CADM2: variants seen among roughly 807,000 people sequenced by gnomAD.
CADM2 encodes immunoglobulin superfamily member 4D.
CADM2 carries 12 observed loss-of-function variants against 49.8 expected under a neutral mutation model. The observed-to-expected ratio is 0.24, with a 90% CI of 0.15 to 0.39. CADM2 has a LOEUF of 0.39. CADM2 is among the 10% of genes least tolerant of loss of function. The probability of loss-of-function intolerance (pLI) is 1.00; values close to 1 mark genes in which losing one functional copy is unlikely to be tolerated. For synonymous variants in CADM2, 214 were observed against 175.4 expected, an observed-to-expected ratio of 1.22 and a Z score of -1.74; for missense variants, 378 against 492.3, an observed-to-expected ratio of 0.77 and a Z score of 2.20.
At position 85,637,621 on chromosome 3, in the gene CADM2, A is replaced by ATAAAATAAAATAAAAT. The variant is rs67331615; in HGVS notation, c.62-88901_62-88900insTAAAATAAAATAAAAT. Among the ~76,000 whole-genome samples the ATAAAATAAAATAAAAT allele has an allele frequency of 1.0e-4, 12 of 114,498 alleles. No homozygotes were observed. In the Admixed American group the frequency reaches 1.1e-3, roughly 10 times the overall value. The allele number at this position is 114,498 out of a possible 152,430, so 75.1% of individuals were successfully genotyped here. A position where few individuals can be genotyped will look rare whatever the true frequency, so the allele number is the denominator to read the frequency against. On this transcript the variant is annotated intron_variant, in intron 1 of 9. Transcript: ENST00000383699. ...GAGACTCCGTCTCAAAAAAAAAAAAAAAAATAAAATAAAATAAATAAATAA... is the reference window on the plus strand; with the variant it reads ...GAGACTCCGTCTCAAAAAAAAAAAAATAAAATAAAATAAAATAAAATAAAATAAAATAAATAAATAA...
At chr3:85,566,476 T>C (rs1346684282) in intron 1 of CADM2, among the ~76,000 whole-genome samples, 1 of 152,172 alleles carries the variant, frequency 6.6e-6, no homozygotes, top group Non-Finnish European at 1.5e-5. Context: ...GATGCCTTGT[T>C]GAGCACTGTT....
intron 1 of CADM2, among the ~76,000 whole-genome samples, chr3:85,440,822 A>T (rs1224363682): frequency 6.6e-6 from 1 of 152,144 alleles, no homozygotes; most frequent in Non-Finnish European, 1.5e-5. Context: ...ATCTTTACAG[A>T]AACACAAAAA....
chr3:85,604,822 G>A (rs2063503783), intron 1 of CADM2, among the ~76,000 whole-genome samples: 2 of 151,896 alleles, frequency 1.3e-5, no homozygotes, highest in Admixed American at 6.6e-5. Context: ...GGGGGAATGC[G>A]AGTCATCCCC....
At chr3:85,480,416 C>A (rs893964632) in intron 1 of CADM2, among the ~76,000 whole-genome samples, 1 of 151,786 alleles carries the variant, frequency 6.6e-6, no homozygotes, top group South Asian at 2.1e-4. Context: ...AAATTTGTGA[C>A]TGTGGGCAAG....
intron 1 of CADM2, among the ~76,000 whole-genome samples, chr3:85,690,796 T>C (rs2107679950): frequency 6.6e-6 from 1 of 152,352 alleles, no homozygotes; most frequent in South Asian, 2.1e-4. Context: ...TGTTTTCATT[T>C]ATAAATACTT....
Position 85,152,592 on chromosome 3 carries a change from G to T in CADM2, c.61+192924G>T, listed in dbSNP as rs114856579. ...ACCCCACCAAATTGTCTTTAATATC[G>T]CAGTTTTTCAGTTCACCATATAGTG... On this transcript the variant is annotated intron_variant, in intron 1 of 9. Transcript: ENST00000383699. Among the ~76,000 whole-genome samples, 786 of 152,060 alleles carry T rather than the reference G, an allele frequency of 5.2e-3. 7 individuals carry two copies. The highest frequency in any genetic ancestry group is 9.0e-3 in the Non-Finnish European group (613 of 68,004).
intron 2 of CADM2, among the ~76,000 whole-genome samples, chr3:85,770,710 A>G (rs1287519834): frequency 1.3e-5 from 2 of 152,158 alleles, no homozygotes; most frequent in African/African-American, 4.8e-5. Context: ...ATAGCAGATA[A>G]TAGGAAACAT....
intron 1 of CADM2, among the ~76,000 whole-genome samples, chr3:85,536,806 A>ATT (rs1392884867): frequency 1.3e-5 from 2 of 151,916 alleles, no homozygotes; most frequent in East Asian, 1.9e-4. Flanking sequence ...ACTTTAGACT[A>ATT]TTATATATAT....
intron 3 of CADM2, among the ~76,000 whole-genome samples, chr3:85,829,365 A>T (rs2074076028): frequency 6.6e-6 from 1 of 151,918 alleles, no homozygotes; most frequent in South Asian, 2.1e-4. Flanking sequence ...CCTATATATG[A>T]TGTGTAATGA....
At chr3:85,576,145 T>C (rs1307282279) in intron 1 of CADM2, among the ~76,000 whole-genome samples, 3 of 152,206 alleles carry the variant, frequency 2.0e-5, no homozygotes, top group Non-Finnish European at 4.4e-5. Flanking sequence ...TTTAACATAA[T>C]TTATTTATTA....
intron 2 of CADM2, among the ~76,000 whole-genome samples, chr3:85,771,265 C>T (rs114870885): frequency 6.6e-6 from 1 of 152,064 alleles, no homozygotes; most frequent in African/African-American, 2.4e-5. Flanking sequence ...TTCTTAAACC[C>T]ATTGGTCAAT....
chr3:85,902,424 T>C (rs774031727), intron 5 of CADM2, among the ~76,000 whole-genome samples: 59 of 152,110 alleles, frequency 3.9e-4, no homozygotes, highest in Non-Finnish European at 6.9e-4. Context: ...AAAGTGTGTC[T>C]CCTGTAGAAA....
chr3:85,622,578 A>G (rs1429713535), intron 1 of CADM2, among the ~76,000 whole-genome samples: 2 of 152,170 alleles, frequency 1.3e-5, no homozygotes, highest in Admixed American at 6.6e-5. Flanking sequence ...CTTTTAGCAG[A>G]TCCTCATAGT....
At chr3:85,311,942 A>G (rs769552760) in intron 1 of CADM2, among the ~76,000 whole-genome samples, 1 of 152,208 alleles carries the variant, frequency 6.6e-6, no homozygotes, top group Non-Finnish European at 1.5e-5. Context: ...CTTGTGGTAT[A>G]GCATATTAGG....
At chr3:85,253,938 G>A (rs1051816382) in intron 1 of CADM2, among the ~76,000 whole-genome samples, 1 of 152,086 alleles carries the variant, frequency 6.6e-6, no homozygotes, top group Non-Finnish European at 1.5e-5. Flanking sequence ...GGGAACACCA[G>A]CTGGTTGTCT....
chr3:84,959,865 T>TGCCTTCCCAGCAGTCAGCCCC (rs1559590144), intron 1 of CADM2, among the ~76,000 whole-genome samples, 197 bp downstream of exon 1: 3 of 152,026 alleles, frequency 2.0e-5, no homozygotes, highest in African/African-American at 7.2e-5. Context: ...GGCTCAGCCC[T>TGCCTTCCCAGCAGTCAGCCCC]GCCTTCCCAG....
chr3:85,168,230 C>A (rs1165751850), intron 1 of CADM2, among the ~76,000 whole-genome samples: 1 of 151,928 alleles, frequency 6.6e-6, no homozygotes, highest in Admixed American at 6.6e-5. Flanking sequence ...TCATTTTGTG[C>A]TGTTAGCAGA....
chr3:85,336,871 T>G (rs1237463017), intron 1 of CADM2, among the ~76,000 whole-genome samples: 1 of 144,718 alleles, frequency 6.9e-6, no homozygotes, highest in African/African-American at 2.5e-5. Flanking sequence ...TAAATAAATT[T>G]ATATATATAT....
intron 1 of CADM2, among the ~76,000 whole-genome samples, chr3:85,695,526 T>A (rs2107692191): frequency 6.6e-6 from 1 of 152,084 alleles, no homozygotes; most frequent in African/African-American, 2.4e-5. Context: ...GAGATATTAT[T>A]TTATTCATTT....
Sources: allele counts gnomAD v4.1 joint callset (sites outside exome capture counted in the v4.1 genomes callset), GRCh38; gene constraint gnomAD v4.1.1; transcripts MANE v1.5; gene names NCBI Gene and HGNC (gene_info 2026-07-23, HGNC 2026-07-21).